The following VPS8 variants were observed in gnomAD, a reference collection of about 807,000 sequenced individuals.
The protein encoded by VPS8 is VPS8 subunit of CORVET complex.
In VPS8, 129 loss-of-function variants were observed where a neutral mutation model predicts 216.4. That is an observed-to-expected ratio of 0.60 (90% CI 0.52 to 0.69). The LOEUF is 0.69. VPS8 is among the 30% of genes least tolerant of loss of function. VPS8 has a pLI of 0.00. For missense variants in VPS8, 1,531 were observed against 1,683.5 expected (o/e 0.91, Z 1.59); for synonymous variants, 571 against 565.4 (o/e 1.01, Z -0.14).
intron 46 of VPS8, among the ~76,000 whole-genome samples, chr3:185,032,089 G>C (rs145146493): frequency 1.3e-5 from 2 of 151,988 alleles, no homozygotes; most frequent in African/African-American, 4.8e-5. Flanking sequence ...GCTTGAACCC[G>C]GGAGGCGGAG....
intron 45 of VPS8, among the ~76,000 whole-genome samples, chr3:185,017,137 T>A (rs1022289543): frequency 1.3e-5 from 2 of 152,088 alleles, no homozygotes; most frequent in East Asian, 3.9e-4. Flanking sequence ...TATAAACTTA[T>A]AGGTACAGAA....
chr3:184,841,351 G>C lies in VPS8; in HGVS notation c.535+1599G>C, dbSNP rs576944538. Among the ~76,000 whole-genome samples, 346 of 151,984 alleles carry C rather than the reference G, an allele frequency of 2.3e-3. 3 individuals carry two copies. Among genetic ancestry groups the C allele is most frequent in the African/African-American group, 8.2e-3 (340 of 41,484 alleles). ...ATGGGATCATGTTAATTTGTAAACT[G>C]CTTTTTATTTTAATGAATATCTTTC... On this transcript the variant is annotated intron_variant, in intron 7 of 47. Transcript: ENST00000625842.
At chr3:185,032,031 G>A (rs1194944816) in intron 46 of VPS8, among the ~76,000 whole-genome samples, 1 of 152,102 alleles carries the variant, frequency 6.6e-6, no homozygotes, top group Non-Finnish European at 1.5e-5. Flanking sequence ...AGGCGTGATG[G>A]TGGGCACCTG....
At position 185,038,538 on chromosome 3, in the gene VPS8, G is replaced by T. The variant is rs534082503; in HGVS notation, c.4057-9941G>T. On this transcript the variant is annotated intron_variant, in intron 46 of 47. Transcript: ENST00000625842. Reference sequence around the variant, plus strand: ...GGTTGTATTTTCATTAAATCCACAAGTCTCTTCCCAGTTGCATTTCACCAC... The same window carrying T: ...GGTTGTATTTTCATTAAATCCACAATTCTCTTCCCAGTTGCATTTCACCAC... Among the ~76,000 whole-genome samples, 14 of 152,274 alleles carry T rather than the reference G, an allele frequency of 9.2e-5. No individual in the cohort carries two copies. The South Asian group carries it at 2.9e-3, about 32-fold the overall frequency.
chr3:184,937,691 T>C (rs1214939296), intron 35 of VPS8, among the ~76,000 whole-genome samples: 1 of 152,146 alleles, frequency 6.6e-6, no homozygotes, highest in Non-Finnish European at 1.5e-5. Context: ...AAGCAGAGAC[T>C]TGGGCAGGGC....
intron 42 of VPS8, among the ~76,000 whole-genome samples, chr3:184,984,055 G>A (rs1750645523): frequency 6.7e-6 from 1 of 150,156 alleles, no homozygotes; most frequent in Non-Finnish European, 1.5e-5. Flanking sequence ...ATGGTGGCAG[G>A]CGCCTGTAGT....
intron 46 of VPS8, among the ~76,000 whole-genome samples, chr3:185,047,508 C>T (rs1007105174): frequency 1.3e-5 from 2 of 152,122 alleles, no homozygotes; most frequent in African/African-American, 4.8e-5. Flanking sequence ...GCAGTGCAGA[C>T]GCTTGGGACA....
At chr3:184,991,599 A>G (rs947248986) in intron 42 of VPS8, among the ~76,000 whole-genome samples, 2 of 152,180 alleles carry the variant, frequency 1.3e-5, no homozygotes, top group African/African-American at 4.8e-5. Context: ...TCGAAAACAC[A>G]TGCCAGAGCT....
chr3:185,003,579 C>T lies in VPS8; in HGVS notation c.4002+3718C>T, dbSNP rs1408435678. ...TTTCTACACAGACACAGCAACCATCCGATTTCTCAATCTTTTCCCCACCTT... is the reference window on the plus strand; with the variant it reads ...TTTCTACACAGACACAGCAACCATCTGATTTCTCAATCTTTTCCCCACCTT... On this transcript the variant is annotated intron_variant, in intron 45 of 47. Coordinates refer to ENST00000625842, the MANE Select transcript of VPS8 (RefSeq NM_001009921.3). Among the ~76,000 whole-genome samples, 72 of 151,350 alleles carry T rather than the reference C, an allele frequency of 4.8e-4. 2 individuals carry two copies. The highest frequency in any genetic ancestry group is 1.5e-4 in the Non-Finnish European group (10 of 67,798).
chr3:185,044,463 ATTACACG>A (rs1712396936), intron 46 of VPS8, among the ~76,000 whole-genome samples: 1 of 152,162 alleles, frequency 6.6e-6, no homozygotes, highest in African/African-American at 2.4e-5. Context: ...GCACATGGTT[ATTACACG>A]ATCGATAAAG....
chr3:184,966,164 G>A (rs1185997161), intron 38 of VPS8, among the ~76,000 whole-genome samples: 1 of 152,152 alleles, frequency 6.6e-6, no homozygotes, highest in African/African-American at 2.4e-5. Flanking sequence ...TGGCATGAGA[G>A]GGAGCAAGAG....
rs531234731 is a variant in VPS8 at position 184,973,784 on chromosome 3, A to C, written c.3420+2032A>C. 7.9e-5 allele frequency among the ~76,000 whole-genome samples: 12 copies of C among 152,268 alleles called. No individual in the cohort carries two copies. The South Asian group carries it at 2.5e-3, about 32-fold the overall frequency. ...TTTTTTAGCTCCCCACATGTAATTC[A>C]GAACATGCGATATTTGTCTTTCTGT... is the stretch of plus-strand genomic sequence containing the variant. On this transcript the variant is annotated intron_variant, in intron 40 of 47. Transcript: ENST00000625842.
chr3:185,015,891 G>C (rs1577166986), intron 45 of VPS8, among the ~76,000 whole-genome samples: 1 of 152,328 alleles, frequency 6.6e-6, no homozygotes, highest in East Asian at 1.9e-4. Flanking sequence ...GGAAGAAAAA[G>C]CCATTCCACT....
intron 23 of VPS8, among the ~76,000 whole-genome samples, chr3:184,897,172 T>C (rs1295848265): frequency 3.3e-5 from 5 of 152,102 alleles, no homozygotes; most frequent in African/African-American, 1.2e-4. Context: ...GAATCAGGGA[T>C]GAGGGCCAAG....
chr3:184,864,940 A>T (rs1371838937), intron 16 of VPS8, among the ~76,000 whole-genome samples: 5 of 152,188 alleles, frequency 3.3e-5, no homozygotes, highest in Non-Finnish European at 7.3e-5. Flanking sequence ...TTATGACTAT[A>T]CTCTTTAGTT....
chr3:185,003,863 C>T (rs1753808304), intron 45 of VPS8, among the ~76,000 whole-genome samples: 1 of 151,770 alleles, frequency 6.6e-6, no homozygotes, highest in Non-Finnish European at 1.5e-5. Flanking sequence ...GGCAGAGACG[C>T]TCCTCACCTC....
chr3:185,037,579 T>C (rs76691414), intron 46 of VPS8, among the ~76,000 whole-genome samples: 2,075 of 152,270 alleles, frequency 0.014, 55 homozygotes, highest in African/African-American at 0.046. Context: ...TCTCCTCTTC[T>C]GGTCTTCTCT....
chr3:184,825,344 A>AGTG lies in VPS8; in HGVS notation c.153+562_153+564dup, dbSNP rs1216605358. ...AATGACTTCTCAAAGTCACAGAGCCAGTGGTAGTTCCTTATCTTGCACAGC... is the reference window on the plus strand; with the variant it reads ...AATGACTTCTCAAAGTCACAGAGCCAGTGGTGGTAGTTCCTTATCTTGCACAGC... On this transcript the variant is annotated intron_variant, in intron 2 of 47. Coordinates refer to ENST00000625842, the MANE Select transcript of VPS8 (RefSeq NM_001009921.3). Among the ~76,000 whole-genome samples the AGTG allele has an allele frequency of 2.0e-5, 3 of 152,202 alleles. No individual in the cohort carries two copies. In the East Asian group the frequency reaches 5.8e-4, roughly 29 times the overall value.
intron 3 of VPS8, among the ~76,000 whole-genome samples, chr3:184,829,185 A>T (rs781194013): frequency 9.2e-5 from 14 of 152,102 alleles, no homozygotes; most frequent in Admixed American, 2.0e-4. Context: ...GTACATACTT[A>T]CACACATTTC....
Sources: allele counts gnomAD v4.1 joint callset (sites outside exome capture counted in the v4.1 genomes callset), GRCh38; gene constraint gnomAD v4.1.1; transcripts MANE v1.5; gene names NCBI Gene and HGNC (gene_info 2026-07-23, HGNC 2026-07-21).